SMARCC2: variants seen among roughly 807,000 people sequenced by gnomAD.
SMARCC2 encodes the protein SWI/SNF complex subunit SMARCC2.
In SMARCC2, 15 loss-of-function variants were observed where a neutral mutation model predicts 151.3. The observed-to-expected ratio is 0.10, with a 90% CI of 0.07 to 0.15. The LOEUF (loss-of-function observed/expected upper bound fraction) is 0.15, where lower values mean the gene tolerates loss of function less well. Among genes scored for constraint, SMARCC2 ranks in the 10% least tolerant of loss-of-function variants. The probability of loss-of-function intolerance (pLI) is 1.00; values close to 1 mark genes in which losing one functional copy is unlikely to be tolerated. For missense variants in SMARCC2, 1,031 were observed against 1,599.7 expected (o/e 0.64, Z 6.06); for synonymous variants, 590 against 609.5 (o/e 0.97, Z 0.47).
At chr12:56,176,167 A>G (rs372218701) in intron 15 of SMARCC2, among the ~76,000 whole-genome samples, 24 of 151,930 alleles carry the variant, frequency 1.6e-4, no homozygotes, top group Middle Eastern at 6.8e-3. Flanking sequence ...ATCATTTACT[A>G]TTTTATACCA....
chr12:56,188,554 G>A (rs1185067628), intron 1 of SMARCC2, among the ~76,000 whole-genome samples: 1 of 152,194 alleles, frequency 6.6e-6, no homozygotes, highest in African/African-American at 2.4e-5. Flanking sequence ...GAAAAGACAG[G>A]TAAGGATTCT....
At position 56,174,783 on chromosome 12, in the gene SMARCC2, A is replaced by G. The variant is rs756019232; in HGVS notation, c.1383-19T>C. 6.8e-7 allele frequency: 1 copy of G among 1,463,946 alleles called. No homozygotes were observed. The highest frequency in any genetic ancestry group is 9.6e-7 in the Non-Finnish European group (1 of 1,044,266). 90.7% of individuals were successfully genotyped at this position (1,463,946 alleles called of 1,614,324 possible). On this transcript the variant is annotated intron_variant, in intron 15 of 28. Transcript: ENST00000550164. Reference sequence around the variant, plus strand: ...CAGGTAGCTTAGAAGAAAGAGAGAGAGAAACAAGAAGAAGAAAAATAAATG... The same window carrying G: ...CAGGTAGCTTAGAAGAAAGAGAGAGGGAAACAAGAAGAAGAAAAATAAATG...
chr12:56,169,403 G>T, intron 25 of SMARCC2, 126 bp downstream of exon 25: 2 of 1,221,098 alleles, frequency 1.6e-6, no homozygotes, highest in Non-Finnish European at 2.3e-6. Context: ...CTCCTCCTGA[G>T]ATAAAAATAA....
In SMARCC2 at chr12:56,189,454, A is replaced by G. The variant is rs141878487; in HGVS notation, c.8T>C (p.Val3Ala). Residue 3 changes from valine (V) to alanine (A), a missense_variant, in exon 1 of 29, where the codon GTG (valine) becomes GCG (alanine). Coordinates refer to ENST00000550164, the MANE Select transcript of SMARCC2 (RefSeq NM_001330288.2). ...GTTGGGGCCGCCGTCCTTCTTCCGC[A>G]CCGCCATCTTCTCCGGCTCGGGCCC... MA[V>A]RKKDGGPNVK... The G allele has an allele frequency of 1.6e-4, 234 of 1,487,662 alleles. No homozygotes were observed. The highest frequency in any genetic ancestry group is 1.9e-4 in the Non-Finnish European group (215 of 1,108,238). The allele number at this position is 1,487,662 out of a possible 1,614,324, so 92.2% of individuals were successfully genotyped here.
At chr12:56,176,441 G>C (rs1874984034) in intron 15 of SMARCC2, among the ~76,000 whole-genome samples, 2 of 152,162 alleles carry the variant, frequency 1.3e-5, no homozygotes, top group South Asian at 4.1e-4. Context: ...AGACTGCCAT[G>C]TCTTATCCAA....
rs529010788 is a variant in SMARCC2, at chr12:56,171,152, T to A, written c.2347+119A>T. ...AAACTCATGGGGAAAATAAAAACCC[T>A]ACCAATGTTCTCATTCATGTTGTGC... On this transcript the variant is annotated intron_variant, in intron 22 of 28. Transcript: ENST00000550164. This position sits in a 1 kb window ranked among gnomAD's most constrained non-coding sequence, Gnocchi z 4.2. 1.1e-6 allele frequency: 1 copy of A among 944,516 alleles called. No individual in the cohort carries two copies. Among genetic ancestry groups the A allele is most frequent in the South Asian group, 1.6e-5 (1 of 63,390 alleles). The allele number at this position is 944,516 out of a possible 1,614,324, so 58.5% of individuals were successfully genotyped here.
chr12:56,184,158 GA>G lies in SMARCC2; in HGVS notation c.562+16del. On this transcript the variant is annotated intron_variant, in intron 6 of 28. Coordinates refer to ENST00000550164, the MANE Select transcript of SMARCC2 (RefSeq NM_001330288.2). ...CCAAACCATCCACTCAAGTGGACAG[GA>G]AAACCCAGGTCTCACCTTCTTCTAG... 1.9e-6 allele frequency: 3 copies of G among 1,602,578 alleles called. No individual in the cohort carries two copies. The East Asian group carries it at 6.7e-5, about 36-fold the overall frequency.
intron 15 of SMARCC2, among the ~76,000 whole-genome samples, chr12:56,176,125 G>A (rs2135707458): frequency 6.6e-6 from 1 of 151,930 alleles, no homozygotes; most frequent in African/African-American, 2.4e-5. Flanking sequence ...CCAAAGTGCT[G>A]GAATTACAGG....
chr12:56,163,888 CAT>C, intron 28 of SMARCC2, 123 bp from the exon 29 acceptor site: 1 of 592,228 alleles, frequency 1.7e-6, no homozygotes, highest in Non-Finnish European at 2.9e-6. Context: ...ATGAGGTACC[CAT>C]AATGTTCAAC....
chr12:56,171,171 G>A lies in SMARCC2; in HGVS notation c.2347+100C>T. ...AAACCCTACCAATGTTCTCATTCAT[G>A]TTGTGCTCTAATGCCAACTTGAGGC... On this transcript the variant is annotated intron_variant, in intron 22 of 28. Coordinates refer to ENST00000550164, the MANE Select transcript of SMARCC2 (RefSeq NM_001330288.2). This position sits in a 1 kb window ranked among gnomAD's most constrained non-coding sequence, Gnocchi z 4.2. 1 of 1,175,546 alleles carries A rather than the reference G, an allele frequency of 8.5e-7. No homozygotes were observed. Among genetic ancestry groups the A allele is most frequent in the South Asian group, 1.3e-5 (1 of 76,298 alleles). 72.8% of individuals were successfully genotyped at this position (1,175,546 alleles called of 1,614,324 possible). A position where few individuals can be genotyped will look rare whatever the true frequency, so the allele number is the denominator to read the frequency against.
At position 56,169,675 on chromosome 12, in the gene SMARCC2, C is replaced by T. The variant is rs1873535326; in HGVS notation, c.2569G>A (p.Glu857Lys). ...DPIVDPEKEK[E>K]PKEGQEEVLK... ...ACTTCCTCCTGCCCTTCCTTTGGCT[C>T]CTTCTCCTTCTCAGGATCGACTGGG... Residue 857 changes from glutamate (E) to lysine (K), a missense_variant, in exon 25 of 29, where the codon GAG (glutamate) becomes AAG (lysine). Glu to Lys is a moderately conservative substitution (Grantham distance 56). Around this residue, in one of 12 missense-constraint regions of SMARCC2, gnomAD observed 119 missense variants for 184.2 expected, o/e 0.65. Transcript: ENST00000550164. 5 of 1,614,152 alleles carry T rather than the reference C, an allele frequency of 3.1e-6. No homozygotes were observed. Among genetic ancestry groups the T allele is most frequent in the Non-Finnish European group, 4.2e-6 (5 of 1,180,024 alleles).
chr12:56,165,539 G>T lies in SMARCC2; in HGVS notation c.3011C>A (p.Pro1004His). ...GGGTGGCCCAGCAGCCCCTGTTGGG[G>T]GGATAGGCTGGGAGCCTGGGGGCAG... ...PALPPGSQPIPPTGAAGPPAV... is the reference protein window; with the variant it reads ...PALPPGSQPIHPTGAAGPPAV... The change falls in exon 27 of 29, where the codon CCC becomes CAC. Residue 1004 changes from proline (P) to histidine (H), a missense_variant. Around this residue, in one of 12 missense-constraint regions of SMARCC2, gnomAD observed 310 missense variants for 350.0 expected, o/e 0.89. Coordinates refer to ENST00000550164, the MANE Select transcript of SMARCC2 (RefSeq NM_001330288.2). The T allele has an allele frequency of 6.2e-7, 1 of 1,611,522 alleles. No homozygotes were observed. The highest frequency in any genetic ancestry group is 8.5e-7 in the Non-Finnish European group (1 of 1,179,086).
At chr12:56,182,321 A>ATT (rs763722796) in intron 7 of SMARCC2, among the ~76,000 whole-genome samples, 23 of 143,650 alleles carry the variant, frequency 1.6e-4, no homozygotes, top group Admixed American at 2.8e-4. Context: ...CTCCACAGTA[A>ATT]TTTTTTTTTT....
chr12:56,167,591 A>T (rs936944537), intron 26 of SMARCC2, among the ~76,000 whole-genome samples: 2 of 152,062 alleles, frequency 1.3e-5, no homozygotes, highest in Admixed American at 1.3e-4. Context: ...CACCTCCTGG[A>T]TCTGAGGCTC....
Position 56,171,123 on chromosome 12 carries a change from A to T in SMARCC2, c.2347+148T>A. ...GACTAGTAGGGCTCCAGAGCCCCTG[A>T]GGTAAACTCATGGGGAAAATAAAAA... On this transcript the variant is annotated intron_variant, in intron 22 of 28. Coordinates refer to ENST00000550164, the MANE Select transcript of SMARCC2 (RefSeq NM_001330288.2). This position sits in a 1 kb window ranked among gnomAD's most constrained non-coding sequence, Gnocchi z 4.2. 2.8e-6 allele frequency: 2 copies of T among 724,282 alleles called. No homozygotes were observed. Among genetic ancestry groups the T allele is most frequent in the Non-Finnish European group, 4.5e-6 (2 of 444,440 alleles). 44.9% of individuals were successfully genotyped at this position (724,282 alleles called of 1,614,324 possible).
At chr12:56,172,816 CT>C in intron 18 of SMARCC2, 112 bp from the exon 19 acceptor site, 1 of 1,570,534 alleles carries the variant, frequency 6.4e-7, no homozygotes, top group South Asian at 1.1e-5. Flanking sequence ...AGGGACACCC[CT>C]GGGTGGGACT....
In SMARCC2 at chr12:56,178,978, C is replaced by T; in HGVS notation, c.1141+19G>A. 2 of 1,613,722 alleles carry T rather than the reference C, an allele frequency of 1.2e-6. No individual in the cohort carries two copies. Among genetic ancestry groups the T allele is most frequent in the Middle Eastern group, 1.6e-4 (1 of 6,062 alleles). ...TTCCCTTGGCTCTGACTGCCGTGCC[C>T]AAGAGGCTCCTGTCTTACCCAGGTC... is the stretch of plus-strand genomic sequence containing the variant. On this transcript the variant is annotated intron_variant, in intron 12 of 28. Coordinates refer to ENST00000550164, the MANE Select transcript of SMARCC2 (RefSeq NM_001330288.2).
intron 26 of SMARCC2, among the ~76,000 whole-genome samples, chr12:56,167,235 CAGCTACTGGGG>C (rs1359016499): frequency 6.6e-6 from 1 of 152,020 alleles, no homozygotes; most frequent in Non-Finnish European, 1.5e-5. Flanking sequence ...CCTGTAATCC[CAGCTACTGGGG>C]AGGCTGAGGC....
In SMARCC2 at chr12:56,185,014, G is replaced by A; in HGVS notation, c.399+16C>T. The A allele has an allele frequency of 6.2e-7, 1 of 1,605,562 alleles. No homozygotes were observed. On this transcript the variant is annotated intron_variant, in intron 4 of 28. Coordinates refer to ENST00000550164, the MANE Select transcript of SMARCC2 (RefSeq NM_001330288.2). ...TCACTGAGGGAAGGGAGATAAATAG[G>A]GTATATGCCTATTACCTGCACCAAG...
Sources: allele counts gnomAD v4.1 joint callset (sites outside exome capture counted in the v4.1 genomes callset), GRCh38; gene constraint gnomAD v4.1.1; regional missense constraint gnomAD v4.1.1; non-coding constraint Gnocchi (gnomAD v3.1); transcripts MANE v1.5; gene names NCBI Gene and HGNC (gene_info 2026-07-23, HGNC 2026-07-21).